The following GRID2 variants were observed in gnomAD, a reference collection of about 807,000 sequenced individuals.
GRID2 encodes glutamate ionotropic receptor delta type subunit 2.
Under a neutral mutation model 114.8 loss-of-function variants are expected in GRID2, and 33 were observed. The observed-to-expected ratio is 0.29, with a 90% confidence interval of 0.22 to 0.38. GRID2 has a LOEUF of 0.38. Among genes scored for constraint, GRID2 ranks in the 10% least tolerant of loss-of-function variants. The pLI, the probability that GRID2 is intolerant of heterozygous loss-of-function variation, is 1.00. For synonymous variants in GRID2, 505 were observed against 449.9 expected (o/e 1.12, Z -1.55); for missense variants, 1,184 against 1,257.7 (o/e 0.94, Z 0.89).
chr4:93,681,081 G>T (rs1390371932), intron 14 of GRID2, among the ~76,000 whole-genome samples: 1 of 151,462 alleles, frequency 6.6e-6, no homozygotes, highest in African/African-American at 2.4e-5. Context: ...CTTCAGCAAA[G>T]TCTCAGGATA....
At chr4:93,395,127 A>C (rs559960551) in intron 8 of GRID2, among the ~76,000 whole-genome samples, 2 of 152,114 alleles carry the variant, frequency 1.3e-5, no homozygotes, top group African/African-American at 4.8e-5. Context: ...AAAGACATAC[A>C]CATGATTTTT....
At chr4:93,778,156 A>T (rs1734402825), downstream of GRID2, among the ~76,000 whole-genome samples, 1 of 152,226 alleles carries the variant, frequency 6.6e-6, no homozygotes, top group African/African-American at 2.4e-5. Context: ...AGCTTTCAGG[A>T]TCACAGCTAT....
intron 4 of GRID2, among the ~76,000 whole-genome samples, chr4:93,126,723 G>T (rs571157735): frequency 5.6e-5 from 8 of 141,652 alleles, no homozygotes; most frequent in African/African-American, 2.1e-4. Flanking sequence ...TCAGCCTCCC[G>T]AGTAGCTGGG....
intron 8 of GRID2, among the ~76,000 whole-genome samples, chr4:93,244,967 A>C (rs780362003): frequency 6.6e-6 from 1 of 152,002 alleles, no homozygotes; most frequent in Non-Finnish European, 1.5e-5. Context: ...AAAATCTGCC[A>C]TAGTTATTTA....
At position 92,929,240 on chromosome 4, in the gene GRID2, A is replaced by T. The variant is rs796176662; in HGVS notation, c.245-155755A>T. On this transcript the variant is annotated intron_variant, in intron 2 of 15. Coordinates refer to ENST00000282020, the MANE Select transcript of GRID2 (RefSeq NM_001510.4). ...TTAATATTATTGTTGCATGAATAAA[A>T]CTGTCTCTTCATAGCTCTTTATCTA... 4.0e-5 allele frequency among the ~76,000 whole-genome samples: 6 copies of T among 151,428 alleles called. No individual in the cohort carries two copies. In the South Asian group the frequency reaches 8.3e-4, roughly 21 times the overall value.
chr4:93,275,135 C>G (rs1351458849), intron 8 of GRID2, among the ~76,000 whole-genome samples: 3 of 151,878 alleles, frequency 2.0e-5, no homozygotes, highest in Non-Finnish European at 4.4e-5. Context: ...TTTGCCTATT[C>G]TAGACATTTC....
intron 2 of GRID2, among the ~76,000 whole-genome samples, chr4:92,819,248 T>G (rs1158441897): frequency 1.3e-5 from 2 of 152,106 alleles, no homozygotes; most frequent in Non-Finnish European, 2.9e-5. Flanking sequence ...ATGGGAGGTT[T>G]TAAAACTTAG....
intron 2 of GRID2, among the ~76,000 whole-genome samples, chr4:93,050,509 GGTGTGT>G (rs70942946): frequency 0.061 from 8,801 of 144,006 alleles, 293 homozygotes; most frequent in African/African-American, 0.077. Context: ...AATAATACCT[GGTGTGT>G]GTGTGTGTGT....
intron 13 of GRID2, among the ~76,000 whole-genome samples, chr4:93,612,526 G>A (rs1357401584): frequency 2.8e-5 from 3 of 108,114 alleles, no homozygotes; most frequent in East Asian, 2.4e-4. Flanking sequence ...AAATCTCTCA[G>A]CATTTGCTTG....
intron 2 of GRID2, among the ~76,000 whole-genome samples, chr4:92,965,450 TAAAA>T (rs869285420): frequency 8.2e-5 from 7 of 85,764 alleles, no homozygotes; most frequent in African/African-American, 2.6e-4. Flanking sequence ...ATTCAATTTG[TAAAA>T]AAAAAAAAAA....
chr4:92,461,868 A>T (rs957313351), intron 1 of GRID2, among the ~76,000 whole-genome samples: 1 of 151,926 alleles, frequency 6.6e-6, no homozygotes, highest in Non-Finnish European at 1.5e-5. Flanking sequence ...CCTAAGTGAG[A>T]TCTTCATCAG....
At chr4:93,420,376 CA>C (rs1768138925) in intron 9 of GRID2, among the ~76,000 whole-genome samples, 1 of 152,140 alleles carries the variant, frequency 6.6e-6, no homozygotes, top group Admixed American at 6.5e-5. Context: ...TGTATTTGTA[CA>C]AGGCGTAATC....
intron 2 of GRID2, among the ~76,000 whole-genome samples, chr4:92,744,027 C>T (rs1737024988): frequency 6.6e-6 from 1 of 151,794 alleles, no homozygotes; most frequent in South Asian, 2.1e-4. Flanking sequence ...TTATCTCATG[C>T]TTGTTTTTAT....
At chr4:92,778,581 A>G (rs1738916396) in intron 2 of GRID2, among the ~76,000 whole-genome samples, 1 of 152,142 alleles carries the variant, frequency 6.6e-6, no homozygotes, top group Non-Finnish European at 1.5e-5. Context: ...CAATCTTAAT[A>G]TACTAAACGG....
intron 5 of GRID2, among the ~76,000 whole-genome samples, chr4:93,212,745 T>G (rs1224667149): frequency 6.7e-6 from 1 of 150,204 alleles, no homozygotes; most frequent in East Asian, 2.0e-4. Flanking sequence ...TTACATTTAA[T>G]GAGAAAGTTG....
chr4:92,927,962 C>T (rs1749947538), intron 2 of GRID2, among the ~76,000 whole-genome samples: 1 of 151,572 alleles, frequency 6.6e-6, no homozygotes, highest in Admixed American at 6.6e-5. Flanking sequence ...TCTTTGGATG[C>T]CATGTTGGTG....
chr4:93,205,857 C>G (rs113391814), intron 4 of GRID2, among the ~76,000 whole-genome samples: 219 of 152,048 alleles, frequency 1.4e-3, no homozygotes, highest in African/African-American at 4.1e-3. Context: ...ATTCTAACTG[C>G]TGTGAGATGG....
At chr4:93,638,577 C>T (rs1464305205) in intron 14 of GRID2, among the ~76,000 whole-genome samples, 1 of 11,842 alleles carries the variant, frequency 8.4e-5, no homozygotes, top group Non-Finnish European at 1.5e-4. Context: ...TTTGTTCTTG[C>T]GATAGTTTAC....
At chr4:93,331,129 C>CCG (rs373148663) in intron 8 of GRID2, among the ~76,000 whole-genome samples, 44 of 145,384 alleles carry the variant, frequency 3.0e-4, no homozygotes, top group African/African-American at 8.7e-4. Flanking sequence ...CTATCTAACC[C>CCG]CCCCCCCATT....
Sources: allele counts gnomAD v4.1 joint callset (sites outside exome capture counted in the v4.1 genomes callset), GRCh38; gene constraint gnomAD v4.1.1; transcripts MANE v1.5; gene names NCBI Gene and HGNC (gene_info 2026-07-23, HGNC 2026-07-21).